RBFOX1: variants seen among roughly 807,000 people sequenced by gnomAD.
RBFOX1 encodes RNA binding protein fox-1 homolog 1.
A neutral mutation model predicts 57.7 loss-of-function variants in RBFOX1; 8 were observed. That is an observed-to-expected ratio of 0.14 (90% CI 0.08 to 0.25). The LOEUF is 0.25. RBFOX1 is among the 10% of genes least tolerant of loss of function. RBFOX1 has a pLI of 1.00. For missense variants in RBFOX1, 611 were observed against 548.5 expected (o/e 1.11, Z -1.14); for synonymous variants, 326 against 222.4 (o/e 1.47, Z -4.15).
chr16:5,457,656 T>C (rs2068670484), intron 1 of RBFOX1, among the ~76,000 whole-genome samples: 1 of 152,176 alleles, frequency 6.6e-6, no homozygotes, highest in Non-Finnish European at 1.5e-5. Flanking sequence ...TAAGTTGTCT[T>C]AGTGCAGATA....
chr16:5,266,309 A>C (rs543955076), intron 1 of RBFOX1, among the ~76,000 whole-genome samples: 11 of 152,256 alleles, frequency 7.2e-5, no homozygotes, highest in African/African-American at 2.4e-4. Flanking sequence ...ATGCAGTAAC[A>C]CAACTCCCCC....
At chr16:7,267,638 T>G (rs1038067700) in intron 4 of RBFOX1, among the ~76,000 whole-genome samples, 2 of 151,924 alleles carry the variant, frequency 1.3e-5, no homozygotes, top group African/African-American at 4.8e-5. Context: ...GCGGATCACT[T>G]GAGGTCAGGA....
intron 14 of RBFOX1, among the ~76,000 whole-genome samples, chr16:7,703,515 C>T (rs117824100): frequency 0.012 from 1,845 of 152,236 alleles, 21 homozygotes; most frequent in Non-Finnish European, 0.019. Context: ...AGGGCATAAA[C>T]GCTCCTCATC....
In RBFOX1 at chr16:6,221,897, A is replaced by T. The variant is rs528563950; in HGVS notation, c.-126-95098A>T. 5.3e-5 allele frequency among the ~76,000 whole-genome samples: 8 copies of T among 152,316 alleles called. No homozygotes were observed. The East Asian group carries it at 1.5e-3, about 29-fold the overall frequency. On this transcript the variant is annotated intron_variant, in intron 1 of 15. Transcript: ENST00000550418. Reference sequence around the variant, plus strand: ...CCTTGACCCAAGGGAATTATTCAAGATGAAATTTGGGTGGGGACACAGCCA... The same window carrying T: ...CCTTGACCCAAGGGAATTATTCAAGTTGAAATTTGGGTGGGGACACAGCCA...
chr16:5,844,524 ATG>A lies in RBFOX1; in HGVS notation c.319-22773_319-22772del, dbSNP rs1323775888. On this transcript the variant is annotated intron_variant, in intron 3 of 19. Coordinates refer to the RBFOX1 transcript ENST00000641259. The stretch of plus-strand genomic sequence containing the variant: ...CGAAGCTCCTGCGTTCACCTTGGAC[ATG>A]TGTGTAAGTCTAGTGGCAAAGATTC... Among the ~76,000 whole-genome samples the A allele has an allele frequency of 2.6e-5, 4 of 152,200 alleles. No homozygotes were observed. The East Asian group carries it at 7.7e-4, about 29-fold the overall frequency.
intron 1 of RBFOX1, among the ~76,000 whole-genome samples, chr16:5,415,104 C>A (rs1231416404): frequency 2.0e-5 from 3 of 152,104 alleles, no homozygotes; most frequent in Admixed American, 2.0e-4. Flanking sequence ...TCTAATCACA[C>A]CGTGTATTAG....
At chr16:6,883,952 C>T (rs373819575) in intron 3 of RBFOX1, among the ~76,000 whole-genome samples, 6 of 152,106 alleles carry the variant, frequency 3.9e-5, no homozygotes, top group South Asian at 2.1e-4. Context: ...CTACTTGCCA[C>T]GGTCCAAAGC....
At chr16:7,451,083 C>T (rs2098848376) in intron 4 of RBFOX1, among the ~76,000 whole-genome samples, 3 of 152,028 alleles carry the variant, frequency 2.0e-5, no homozygotes, top group South Asian at 4.1e-4. Flanking sequence ...GACTGGCATG[C>T]CAGGTAGGGC....
At chr16:7,066,820 G>C (rs2056167509) in intron 4 of RBFOX1, among the ~76,000 whole-genome samples, 2 of 152,156 alleles carry the variant, frequency 1.3e-5, no homozygotes, top group Non-Finnish European at 2.9e-5. Flanking sequence ...AGGAGCACTT[G>C]ATGTCAACTC....
chr16:5,408,239 G>T (rs1452714911), intron 1 of RBFOX1, among the ~76,000 whole-genome samples: 1 of 152,194 alleles, frequency 6.6e-6, no homozygotes, highest in Non-Finnish European at 1.5e-5. Context: ...CTTAGAGAAA[G>T]TGAAAGGGGC....
intron 4 of RBFOX1, among the ~76,000 whole-genome samples, chr16:5,901,561 A>C (rs1267118589): frequency 2.0e-5 from 3 of 152,314 alleles, no homozygotes; most frequent in Admixed American, 1.3e-4. Flanking sequence ...GAAATTGGTT[A>C]AAATTAGAAA....
chr16:5,669,291 A>G (rs901447296), intron 3 of RBFOX1, among the ~76,000 whole-genome samples: 2 of 152,036 alleles, frequency 1.3e-5, no homozygotes, highest in African/African-American at 4.8e-5. Flanking sequence ...CTGTTTGACT[A>G]TCTCAGCCTA....
intron 2 of RBFOX1, among the ~76,000 whole-genome samples, chr16:5,573,941 G>T (rs1347937824): frequency 6.6e-6 from 1 of 152,128 alleles, no homozygotes; most frequent in Non-Finnish European, 1.5e-5. Flanking sequence ...GCAACAGAAT[G>T]AGACCCTGTC....
intron 3 of RBFOX1, among the ~76,000 whole-genome samples, chr16:5,673,304 A>C (rs113568121): frequency 0.037 from 5,612 of 152,222 alleles, 338 homozygotes; most frequent in African/African-American, 0.13. Context: ...CCTGGCACCC[A>C]GGAGCCAGGC....
intron 3 of RBFOX1, among the ~76,000 whole-genome samples, chr16:6,658,592 A>T (rs866049812): frequency 2.7e-4 from 41 of 152,198 alleles, no homozygotes; most frequent in African/African-American, 9.2e-4. Context: ...TCTTCATAGA[A>T]TAAAAGAATT....
chr16:6,107,240 A>G (rs1240092660), intron 1 of RBFOX1, among the ~76,000 whole-genome samples: 1 of 151,918 alleles, frequency 6.6e-6, no homozygotes, highest in Non-Finnish European at 1.5e-5. Context: ...GTGACCCCCT[A>G]GTACCTGATG....
chr16:5,272,615 G>T (rs1011583131), intron 1 of RBFOX1, among the ~76,000 whole-genome samples: 1 of 152,142 alleles, frequency 6.6e-6, no homozygotes, highest in Non-Finnish European at 1.5e-5. Context: ...TCATTTCCGG[G>T]AGCATACAAC....
At chr16:5,557,225 A>T (rs901047392) in intron 2 of RBFOX1, among the ~76,000 whole-genome samples, 9 of 151,842 alleles carry the variant, frequency 5.9e-5, no homozygotes, top group Admixed American at 1.3e-4. Context: ...GCGCCACTGC[A>T]CTCCAGCCGG....
intron 1 of RBFOX1, among the ~76,000 whole-genome samples, chr16:5,462,189 G>A (rs970883785): frequency 2.6e-5 from 3 of 113,410 alleles, no homozygotes; most frequent in Admixed American, 1.0e-4. Flanking sequence ...TTTTTTTTGA[G>A]ATGGAGTCTC....
Sources: gnomAD v4.1 joint callset for allele counts (sites outside exome capture counted in the v4.1 genomes callset) on GRCh38, gnomAD v4.1.1 for gene constraint, MANE v1.5 for transcripts, NCBI Gene and HGNC (gene_info 2026-07-23, HGNC 2026-07-21) for gene names.